Variants in CSMD2 observed in about 807,000 individuals in gnomAD.
The protein encoded by CSMD2 is CUB and Sushi multiple domains 2.
In CSMD2, 130 loss-of-function variants were observed where a neutral mutation model predicts 398.5. The ratio of observed to expected loss-of-function variants is 0.33; its 90% CI spans 0.28 to 0.38. The LOEUF (loss-of-function observed/expected upper bound fraction) is 0.38. Ranked by LOEUF, CSMD2 falls within the 10% of genes least tolerant of loss-of-function variation. CSMD2 has a pLI of 1.00. For missense variants in CSMD2, 3,829 were observed against 4,764.9 expected, an observed-to-expected ratio of 0.80 and a Z score of 5.78; for synonymous variants, 1,828 against 1,908.5, an observed-to-expected ratio of 0.96 and a Z score of 1.10.
chr1:33,550,030 G>C, intron 56 of CSMD2, 147 bp downstream of exon 56: 1 of 751,446 alleles, frequency 1.3e-6, no homozygotes, highest in Non-Finnish European at 2.1e-6. Context: ...TTGTCTTGCT[G>C]TGCTTTCTAC....
In CSMD2 at chr1:34,112,435, T is replaced by A. The variant is rs74538591; in HGVS notation, c.188-23242A>T. On this transcript the variant is annotated intron_variant, in intron 1 of 70. Coordinates refer to ENST00000373381, the MANE Select transcript of CSMD2 (RefSeq NM_001281956.2). ...ACACTGCAGCAGACAGCTCTATCTA[T>A]AGGCACTCCAGCCATGAGGTAACTC... Among the ~76,000 whole-genome samples the A allele has an allele frequency of 3.1e-3, 467 of 152,238 alleles. 8 individuals carry two copies. Among genetic ancestry groups the A allele is most frequent in the East Asian group, 0.03 (155 of 5,176 alleles).
chr1:33,795,624 C>T (rs1654860994), intron 10 of CSMD2, among the ~76,000 whole-genome samples: 1 of 152,222 alleles, frequency 6.6e-6, no homozygotes, highest in Admixed American at 6.5e-5. Context: ...CCTGACTTGT[C>T]TCAGTTCTCT....
Position 33,724,711 on chromosome 1 carries a change from G to A in CSMD2, c.2696-7C>T. ...TCTGACTGCAGTGTTATAGCTGAAA[G>A]AGAGAGGCCACAGCTGGGACAGACA... On this transcript the variant is annotated splice_polypyrimidine_tract_variant and splice_region_variant and intron_variant, in intron 17 of 70. Coordinates refer to ENST00000373381, the MANE Select transcript of CSMD2 (RefSeq NM_001281956.2). 2 of 1,613,272 alleles carry A rather than the reference G, an allele frequency of 1.2e-6. No individual in the cohort carries two copies. The highest frequency in any genetic ancestry group is 1.7e-6 in the Non-Finnish European group (2 of 1,179,440).
At chr1:33,827,889 C>A (rs1659009895) in intron 6 of CSMD2, among the ~76,000 whole-genome samples, 1 of 152,196 alleles carries the variant, frequency 6.6e-6, no homozygotes, top group African/African-American at 2.4e-5. Flanking sequence ...AACTGTAAAC[C>A]TTCTCCAGGA....
intron 28 of CSMD2, among the ~76,000 whole-genome samples, chr1:33,649,099 T>C (rs1643618451): frequency 6.6e-6 from 1 of 152,238 alleles, no homozygotes; most frequent in South Asian, 2.1e-4. Flanking sequence ...TGTATGCCTG[T>C]GCTCTGGTGC....
chr1:34,051,310 T>C (rs566816271), intron 2 of CSMD2, among the ~76,000 whole-genome samples: 1 of 152,170 alleles, frequency 6.6e-6, no homozygotes, highest in South Asian at 2.1e-4. Context: ...ACAAAGGGAA[T>C]ACAGAATGGG....
At chr1:33,676,085 C>T (rs563068883) in intron 25 of CSMD2, among the ~76,000 whole-genome samples, 5 of 152,296 alleles carry the variant, frequency 3.3e-5, no homozygotes, top group East Asian at 3.9e-4. Context: ...TCCTATTCAA[C>T]ATAGTGTTGG....
chr1:33,549,436 G>A (rs1353853969), intron 56 of CSMD2, among the ~76,000 whole-genome samples: 2 of 152,242 alleles, frequency 1.3e-5, no homozygotes, highest in African/African-American at 4.8e-5. Context: ...TTTTAGCTTG[G>A]TGGTTTCTGC....
intron 5 of CSMD2, among the ~76,000 whole-genome samples, chr1:33,874,178 C>T (rs964689567): frequency 2.6e-5 from 4 of 152,204 alleles, no homozygotes; most frequent in Non-Finnish European, 5.9e-5. Context: ...AAATTTAACA[C>T]AATGCGTCAC....
At chr1:33,607,420 G>A (rs556647941) in intron 41 of CSMD2, among the ~76,000 whole-genome samples, 2 of 152,334 alleles carry the variant, frequency 1.3e-5, no homozygotes, top group African/African-American at 4.8e-5. Flanking sequence ...GGGGACAAAT[G>A]GCTCGTTCAT....
At chr1:33,919,343 G>A (rs1193778488) in intron 4 of CSMD2, among the ~76,000 whole-genome samples, 1 of 152,182 alleles carries the variant, frequency 6.6e-6, no homozygotes, top group Non-Finnish European at 1.5e-5. Context: ...ACGCAGAAGT[G>A]GGTATGTCTG....
chr1:34,162,320 T>C (rs1641417795), intron 1 of CSMD2, among the ~76,000 whole-genome samples: 2 of 151,882 alleles, frequency 1.3e-5, no homozygotes, highest in Non-Finnish European at 2.9e-5. Context: ...AAGGTATGGG[T>C]GGGTGAGGAG....
At chr1:34,144,228 G>A (rs1639565545) in intron 1 of CSMD2, among the ~76,000 whole-genome samples, 1 of 152,152 alleles carries the variant, frequency 6.6e-6, no homozygotes, top group East Asian at 1.9e-4. Context: ...TCCAGCTGCA[G>A]GCGGTGCCAA....
At chr1:33,902,274 C>T (rs773922588) in intron 5 of CSMD2, among the ~76,000 whole-genome samples, 23 of 152,058 alleles carry the variant, frequency 1.5e-4, no homozygotes, top group Non-Finnish European at 2.6e-4. Context: ...TCCTGGAAAC[C>T]GCCCCATCTG....
At chr1:34,120,579 T>G (rs901527678) in intron 1 of CSMD2, among the ~76,000 whole-genome samples, 5 of 152,154 alleles carry the variant, frequency 3.3e-5, no homozygotes, top group African/African-American at 1.2e-4. Context: ...AGTTTTGCTC[T>G]TGTTGCCCAG....
At position 33,914,942 on chromosome 1, in the gene CSMD2, G is replaced by A. The variant is rs567671748; in HGVS notation, c.920+3152C>T. ...CAAAATAAAAAATGACCAATCCTAT[G>A]TTTCTCCAATTGTTTGGAAATTTTA... On this transcript the variant is annotated intron_variant, in intron 5 of 70. Transcript: ENST00000373381. Among the ~76,000 whole-genome samples the A allele has an allele frequency of 2.6e-5, 4 of 152,310 alleles. No homozygotes were observed. In the South Asian group the frequency reaches 8.3e-4, roughly 32 times the overall value.
intron 3 of CSMD2, among the ~76,000 whole-genome samples, chr1:34,006,891 C>G (rs975516638): frequency 2.4e-4 from 36 of 151,952 alleles, no homozygotes; most frequent in Admixed American, 2.0e-3. Flanking sequence ...AGGTGAGTGT[C>G]CCCCAGGGAT....
intron 1 of CSMD2, among the ~76,000 whole-genome samples, chr1:34,123,524 G>GC (rs60477025): frequency 3.1e-5 from 2 of 64,948 alleles, no homozygotes; most frequent in Admixed American, 2.9e-4. Context: ...AAACTTAAAG[G>GC]GGGGGGGTTG....
At chr1:33,985,046 C>T (rs1176747510) in intron 3 of CSMD2, among the ~76,000 whole-genome samples, 3 of 152,176 alleles carry the variant, frequency 2.0e-5, no homozygotes, top group Admixed American at 6.5e-5. Flanking sequence ...GTGGCGTTAA[C>T]GGTTCCCATT....
Sources: gnomAD v4.1 joint callset for allele counts (sites outside exome capture counted in the v4.1 genomes callset) on GRCh38, gnomAD v4.1.1 for gene constraint, MANE v1.5 for transcripts, NCBI Gene and HGNC (gene_info 2026-07-23, HGNC 2026-07-21) for gene names.